PITPNC1: variants seen among roughly 807,000 people sequenced by gnomAD.
The protein encoded by PITPNC1 is cytoplasmic phosphatidylinositol transfer protein 1.
A neutral mutation model predicts 44.7 loss-of-function variants in PITPNC1; 18 were observed. The observed-to-expected ratio is 0.40, with a 90% confidence interval of 0.28 to 0.60. PITPNC1 has a LOEUF of 0.60. Among genes scored for constraint, PITPNC1 ranks in the 20% least tolerant of loss-of-function variants. The pLI, the probability that PITPNC1 is intolerant of heterozygous loss-of-function variation, is 0.39. For synonymous variants in PITPNC1, 141 were observed against 149.6 expected (o/e 0.94, Z 0.42); for missense variants, 290 against 418.4 (o/e 0.69, Z 2.68).
chr17:67,687,299 C>T (rs1263668442), intron 8 of PITPNC1: 1 of 640,994 alleles, frequency 1.6e-6, no homozygotes, highest in African/African-American at 1.8e-5. Flanking sequence ...ATGTCGTCAC[C>T]CAGACCCTGT....
chr17:67,500,661 A>AT lies in PITPNC1; in HGVS notation c.49-32126dup, dbSNP rs11295455. On this transcript the variant is annotated intron_variant, in intron 1 of 8. Coordinates refer to ENST00000581322, the MANE Select transcript of PITPNC1 (RefSeq NM_012417.4). The stretch of plus-strand genomic sequence containing the variant: ...AATTATATCTCAATTTTTTTTTAAG[A>AT]TTTTTTTTTTTTTTTAATTGAGAGA... Among the ~76,000 whole-genome samples the AT allele has an allele frequency of 6.2e-3, 914 of 147,064 alleles. 7 individuals carry two copies. The highest frequency in any genetic ancestry group is 0.021 in the African/African-American group (830 of 39,822).
intron 5 of PITPNC1, among the ~76,000 whole-genome samples, chr17:67,610,030 T>G (rs1054773532): frequency 2.0e-5 from 3 of 152,204 alleles, no homozygotes; most frequent in Non-Finnish European, 4.4e-5. Context: ...ATTTTCACAG[T>G]GACTGGCACC....
At chr17:67,392,601 A>G (rs1025178372) in intron 1 of PITPNC1, among the ~76,000 whole-genome samples, 2 of 152,138 alleles carry the variant, frequency 1.3e-5, no homozygotes, top group Non-Finnish European at 2.9e-5. Flanking sequence ...ACTCTAAAAG[A>G]CTTTTCAAAA....
At chr17:67,530,145 G>A (rs924577713) in intron 1 of PITPNC1, among the ~76,000 whole-genome samples, 1 of 135,542 alleles carries the variant, frequency 7.4e-6, no homozygotes, top group East Asian at 2.4e-4. Context: ...AGACTAGAGA[G>A]CAGTGGTGTG....
At chr17:67,442,203 G>GAA (rs2039021156) in intron 1 of PITPNC1, among the ~76,000 whole-genome samples, 1 of 37,774 alleles carries the variant, frequency 2.6e-5, no homozygotes, top group Non-Finnish European at 5.5e-5. Flanking sequence ...GGGAAAATAA[G>GAA]CATATATATA....
chr17:67,649,241 T>C (rs2042183343), intron 6 of PITPNC1, among the ~76,000 whole-genome samples: 1 of 152,178 alleles, frequency 6.6e-6, no homozygotes, highest in Admixed American at 6.5e-5. Context: ...TGGGTGATAC[T>C]AATAAGTGTC....
intron 5 of PITPNC1, among the ~76,000 whole-genome samples, chr17:67,580,687 C>T (rs2041218302): frequency 6.6e-6 from 1 of 152,126 alleles, no homozygotes; most frequent in Non-Finnish European, 1.5e-5. Flanking sequence ...AACAAATTTC[C>T]TTGCTTTCTC....
Position 67,692,803 on chromosome 17 carries a change from C to T in PITPNC1, c.914C>T (p.Thr305Ile), listed in dbSNP as rs758729078. 1.2e-6 allele frequency: 2 copies of T among 1,613,766 alleles called. No homozygotes were observed. The highest frequency in any genetic ancestry group is 2.2e-5 in the South Asian group (2 of 91,082). The change falls in exon 9 of 9, where the codon ACA becomes ATA. Residue 305 changes from threonine to isoleucine, a missense_variant. By Grantham distance (89) the Thr-to-Ile change is moderately conservative. Transcript: ENST00000581322. ...AAAAAGTCTGCCCCAGAAACTCTCA[C>T]ACTTCCAGACCCTGAGAAAAAAGCC... is the stretch of plus-strand genomic sequence containing the variant. Reference protein sequence around the residue: ...PRKKSAPETLTLPDPEKKATL... With the variant: ...PRKKSAPETLILPDPEKKATL...
chr17:67,527,590 C>G (rs187853849), intron 1 of PITPNC1, among the ~76,000 whole-genome samples: 8 of 152,204 alleles, frequency 5.3e-5, no homozygotes, highest in Admixed American at 5.2e-4. Flanking sequence ...GTAACCTCAG[C>G]TACTGAGGAG....
chr17:67,689,973 G>C (rs901329883), intron 8 of PITPNC1, among the ~76,000 whole-genome samples: 1 of 152,022 alleles, frequency 6.6e-6, no homozygotes, highest in East Asian at 1.9e-4. Context: ...AAATTGGTAA[G>C]TTTATAGGTA....
At chr17:67,579,930 C>T (rs750971029) in intron 5 of PITPNC1, among the ~76,000 whole-genome samples, 2 of 141,458 alleles carry the variant, frequency 1.4e-5, no homozygotes, top group Non-Finnish European at 3.1e-5. Context: ...CAGAGCGAGA[C>T]TCTGTCTCAA....
At chr17:67,687,586 A>T (rs1598999932) in intron 8 of PITPNC1, among the ~76,000 whole-genome samples, 2 of 152,388 alleles carry the variant, frequency 1.3e-5, no homozygotes, top group African/African-American at 4.8e-5. Flanking sequence ...CTTCTGGCTC[A>T]TCAGCTATTT....
At chr17:67,495,040 GTTTTTTTTTTTGTTTTTTTT>G (rs1389844944) in intron 1 of PITPNC1, among the ~76,000 whole-genome samples, 11 of 64,704 alleles carry the variant, frequency 1.7e-4, no homozygotes, top group South Asian at 6.3e-4. Flanking sequence ...CCATGGAGTT[GTTTTTTTTTTTGTTTTTTTT>G]TTTTTTTTTT....
intron 1 of PITPNC1, among the ~76,000 whole-genome samples, chr17:67,473,429 C>G (rs543521915): frequency 5.3e-5 from 8 of 150,904 alleles, no homozygotes; most frequent in Admixed American, 4.0e-4. Context: ...CCTGGGTTCA[C>G]GCCATTCTCC....
At chr17:67,559,496 T>G (rs2040879812) in intron 4 of PITPNC1, among the ~76,000 whole-genome samples, 1 of 152,192 alleles carries the variant, frequency 6.6e-6, no homozygotes, top group Non-Finnish European at 1.5e-5. Context: ...AAATATCCTT[T>G]TTTTAGGGAC....
At chr17:67,470,152 A>G in intron 1 of PITPNC1, among the ~76,000 whole-genome samples, 1 of 152,086 alleles carries the variant, frequency 6.6e-6, no homozygotes, top group East Asian at 1.9e-4. Flanking sequence ...CAAGCTCCTG[A>G]CCTCGAGTGA....
rs553220107 is a variant in PITPNC1 at position 67,655,866 on chromosome 17, G to T, written c.463-13642G>T. Among the ~76,000 whole-genome samples, 8 of 151,432 alleles carry T rather than the reference G, an allele frequency of 5.3e-5. 1 individual carries two copies. In the South Asian group the frequency reaches 1.7e-3, roughly 32 times the overall value. ...GATCACTTGAGCCCAGGAGCTCAAG[G>T]CTGCAGTGAGCTGTGATGGCACCAC... On this transcript the variant is annotated intron_variant, in intron 6 of 8. Coordinates refer to ENST00000581322, the MANE Select transcript of PITPNC1 (RefSeq NM_012417.4).
intron 1 of PITPNC1, among the ~76,000 whole-genome samples, chr17:67,515,980 T>A (rs942510098): frequency 6.6e-6 from 1 of 152,228 alleles, no homozygotes. Flanking sequence ...GCGGCTGTGC[T>A]TCCTTTCATG....
intron 1 of PITPNC1, among the ~76,000 whole-genome samples, chr17:67,389,521 C>T (rs981539780): frequency 6.6e-6 from 1 of 152,184 alleles, no homozygotes; most frequent in Non-Finnish European, 1.5e-5. Flanking sequence ...AGATCCCTGC[C>T]CTCCTGAAGC....
Sources: allele counts gnomAD v4.1 joint callset (sites outside exome capture counted in the v4.1 genomes callset), GRCh38; gene constraint gnomAD v4.1.1; transcripts MANE v1.5; gene names NCBI Gene and HGNC (gene_info 2026-07-23, HGNC 2026-07-21).